VPS13B: variants seen among roughly 807,000 people sequenced by gnomAD.
VPS13B encodes the protein vacuolar protein sorting 13 homolog B.
VPS13B carries 285 observed loss-of-function variants against 426.4 expected under a neutral mutation model. The ratio of observed to expected loss-of-function variants is 0.67; its 90% CI spans 0.61 to 0.74. The LOEUF is 0.74. Ranked by LOEUF, VPS13B falls within the 30% of genes least tolerant of loss-of-function variation. VPS13B has a pLI of 0.00. For missense variants in VPS13B, 4,537 were observed against 4,782.6 expected (o/e 0.95, Z 1.51); for synonymous variants, 1,676 against 1,676.4 (o/e 1.00, Z 0.01).
At chr8:99,579,652 C>G in intron 33 of VPS13B, among the ~76,000 whole-genome samples, 1 of 151,972 alleles carries the variant, frequency 6.6e-6, no homozygotes, top group Non-Finnish European at 1.5e-5. Flanking sequence ...CCCTCCTTGG[C>G]CTCCCAAAGT....
Position 99,501,709 on chromosome 8 carries a change from A to G in VPS13B, c.3893A>G (p.Glu1298Gly). 6.2e-7 allele frequency: 1 copy of G among 1,614,046 alleles called. No individual in the cohort carries two copies. Among genetic ancestry groups the G allele is most frequent in the Non-Finnish European group, 8.5e-7 (1 of 1,179,982 alleles). ...TTEGDSIQAG[E>G]ESPFSDSVTL... is the part of the protein sequence containing the mutation. ...CAGGGAGATTCTATACAAGCAGGTG[A>G]GGAATCACCATTCTCAGATTCTGTG... The change falls in exon 26 of 62, where the codon GAG (glutamate) becomes GGG (glycine). Residue 1298 changes from glutamate to glycine, a missense_variant. Coordinates refer to ENST00000357162, the MANE Select transcript of VPS13B (RefSeq NM_152564.5).
At chr8:99,043,280 T>C (rs983512780) in intron 3 of VPS13B, among the ~76,000 whole-genome samples, 1 of 152,204 alleles carries the variant, frequency 6.6e-6, no homozygotes, top group Non-Finnish European at 1.5e-5. Context: ...AAATTTTACA[T>C]GTGATCATTG....
chr8:99,067,320 A>C (rs1844583002), intron 3 of VPS13B, among the ~76,000 whole-genome samples: 1 of 152,238 alleles, frequency 6.6e-6, no homozygotes, highest in African/African-American at 2.4e-5. Context: ...GCCATAAAAA[A>C]GGATGAGTTC....
intron 8 of VPS13B, 35 bp from the exon 9 acceptor site, chr8:99,134,597 A>G: frequency 6.6e-7 from 1 of 1,506,702 alleles, no homozygotes; most frequent in Non-Finnish European, 9.2e-7. Flanking sequence ...CTTTAATACT[A>G]AATTTGATTT....
At position 99,642,129 on chromosome 8, in the gene VPS13B, A is replaced by AG. The variant is rs1364466866; in HGVS notation, c.5539_5540insG (p.Lys1847ArgfsTer10). 1 of 1,614,164 alleles carries AG rather than the reference A, an allele frequency of 6.2e-7. No individual in the cohort carries two copies. Among genetic ancestry groups the AG allele is most frequent in the South Asian group, 1.1e-5 (1 of 91,084 alleles). ...ACAGAAGAATAATGAAAAAACAGAC[A>AG]AGAGTTCATTAAATCTCCCAGAAGT... On this transcript the variant is annotated frameshift_variant, in exon 34 of 62. Transcript: ENST00000357162. LOFTEE classifies it high-confidence loss of function.
At chr8:99,812,801 G>C (rs1359929787) in intron 44 of VPS13B, among the ~76,000 whole-genome samples, 1 of 152,026 alleles carries the variant, frequency 6.6e-6, no homozygotes, top group African/African-American at 2.4e-5. Context: ...TCGTTTTCCA[G>C]TGCATCTGGT....
intron 33 of VPS13B, among the ~76,000 whole-genome samples, chr8:99,588,747 T>C (rs1436716727): frequency 6.6e-6 from 1 of 151,774 alleles, no homozygotes; most frequent in Non-Finnish European, 1.5e-5. Context: ...TATACAGTCA[T>C]GTCATCTGCA....
At chr8:99,582,876 C>T (rs990317395) in intron 33 of VPS13B, among the ~76,000 whole-genome samples, 1 of 152,150 alleles carries the variant, frequency 6.6e-6, no homozygotes, top group Non-Finnish European at 1.5e-5. Flanking sequence ...AGGATGGTCT[C>T]GATCTCCTGA....
intron 23 of VPS13B, 62 bp from the exon 24 acceptor site, chr8:99,467,352 A>G: frequency 6.8e-7 from 1 of 1,474,720 alleles, no homozygotes; most frequent in Non-Finnish European, 9.5e-7. Flanking sequence ...TTTACTATCA[A>G]GTGAAAATTA....
chr8:99,553,142 A>C (rs183893885), intron 30 of VPS13B, among the ~76,000 whole-genome samples: 5 of 152,268 alleles, frequency 3.3e-5, no homozygotes, highest in Admixed American at 3.3e-4. Flanking sequence ...TGCAGGATTT[A>C]GCAGAAAACC....
chr8:99,432,041 T>C (rs1336443317), intron 22 of VPS13B, among the ~76,000 whole-genome samples: 1 of 152,112 alleles, frequency 6.6e-6, no homozygotes, highest in Non-Finnish European at 1.5e-5. Context: ...AAGGGTTATC[T>C]AATTATTTTT....
intron 19 of VPS13B, among the ~76,000 whole-genome samples, chr8:99,324,988 A>G (rs867009858): frequency 1.3e-5 from 2 of 152,160 alleles, no homozygotes; most frequent in African/African-American, 2.4e-5. Context: ...TTTCTTAATC[A>G]TTCTCATTTT....
At chr8:99,160,650 CA>C (rs780385149) in intron 15 of VPS13B, among the ~76,000 whole-genome samples, 19,821 of 68,668 alleles carry the variant, frequency 0.29, 934 homozygotes, top group East Asian at 0.37. Flanking sequence ...GACCCTGTCT[CA>C]AAAAAAAAAA....
In VPS13B at chr8:99,754,067, G is replaced by T. The variant is rs572717244; in HGVS notation, c.7051-12707G>T. Among the ~76,000 whole-genome samples, 5 of 148,428 alleles carry T rather than the reference G, an allele frequency of 3.4e-5. No homozygotes were observed. In the East Asian group the frequency reaches 9.9e-4, roughly 29 times the overall value. On this transcript the variant is annotated intron_variant, in intron 39 of 61. Transcript: ENST00000357162. ...TTTGAATACTTGTGGTTTCTCAACT[G>T]GTTCCAATAGTATAAGGGTTTTTTT...
At chr8:99,594,415 AG>A (rs1023580272) in intron 33 of VPS13B, among the ~76,000 whole-genome samples, 1 of 151,946 alleles carries the variant, frequency 6.6e-6, no homozygotes, top group African/African-American at 2.4e-5. Context: ...CATTTTCCAT[AG>A]TGATTGTTAT....
chr8:99,465,465 A>G (rs1269855853), intron 23 of VPS13B, among the ~76,000 whole-genome samples: 2 of 149,092 alleles, frequency 1.3e-5, no homozygotes, highest in African/African-American at 5.0e-5. Flanking sequence ...TCCTAATCTG[A>G]TTCCAAAGAA....
chr8:99,210,464 T>C (rs920285841), intron 17 of VPS13B, among the ~76,000 whole-genome samples: 2 of 152,186 alleles, frequency 1.3e-5, no homozygotes, highest in African/African-American at 2.4e-5. Flanking sequence ...CGGGTCATTT[T>C]TGTAGTGTTT....
intron 31 of VPS13B, among the ~76,000 whole-genome samples, chr8:99,574,201 C>G (rs543156077): frequency 2.6e-5 from 4 of 152,120 alleles, no homozygotes; most frequent in Admixed American, 6.6e-5. Flanking sequence ...AAATTTTGGG[C>G]TGAGAGGATG....
intron 3 of VPS13B, among the ~76,000 whole-genome samples, chr8:99,058,359 C>T (rs1356005268): frequency 2.6e-5 from 4 of 151,036 alleles, no homozygotes; most frequent in Non-Finnish European, 5.9e-5. Flanking sequence ...TAAAATCTAT[C>T]ATTTATTTTA....
Sources: allele counts gnomAD v4.1 joint callset (sites outside exome capture counted in the v4.1 genomes callset), GRCh38; gene constraint gnomAD v4.1.1; transcripts MANE v1.5; gene names NCBI Gene and HGNC (gene_info 2026-07-23, HGNC 2026-07-21).